The following MED24 variants were observed in gnomAD, a reference collection of about 807,000 sequenced individuals.
The protein encoded by MED24 is mediator complex subunit 24.
A neutral mutation model predicts 118.8 loss-of-function variants in MED24; 74 were observed. That is an observed-to-expected ratio of 0.62 (90% confidence interval 0.52 to 0.76). The LOEUF (loss-of-function observed/expected upper bound fraction) is 0.76. Ranked by LOEUF, MED24 falls within the 30% of genes least tolerant of loss-of-function variation. The pLI is 0.00. For missense variants in MED24, 1,041 were observed against 1,278.9 expected (o/e 0.81, Z 2.84); for synonymous variants, 521 against 523.9 (o/e 0.99, Z 0.08).
In MED24 at chr17:40,020,296, C is replaced by A; in HGVS notation, c.2681G>T (p.Arg894Leu). The change falls in exon 24 of 26, where the codon CGG becomes CTG. Residue 894 changes from arginine (R) to leucine (L), a missense_variant. Physicochemically the swap from Arg to Leu is moderately radical, Grantham distance 102. This residue lies in a region of MED24 where 587 missense variants were observed against 694.4 expected (regional missense o/e 0.85). Transcript: ENST00000394128. ...ACCCAGGACTCGGTTCAGAGGGTCC[C>A]GCATGTTGACCGTGTGGAGCTGAGA... ...SASQLHTVNM[R>L]DPLNRVLANL... 6.4e-7 allele frequency: 1 copy of A among 1,574,308 alleles called. No individual in the cohort carries two copies.
rs1186997598 is a variant in MED24, at chr17:40,035,311, C to T, written c.365G>A (p.Arg122Gln). The change falls in exon 6 of 26, where the codon CGA (arginine) becomes CAA (glutamine). Residue 122 changes from arginine (R) to glutamine (Q), a missense_variant. By Grantham distance (43) the Arg-to-Gln change is conservative (BLOSUM62 1). This residue lies in a region of MED24 where 434 missense variants were observed against 514.9 expected (regional missense o/e 0.84). Coordinates refer to ENST00000394128, the MANE Select transcript of MED24 (RefSeq NM_014815.4). ...GKAEECIGLC[R>Q]ALLSALHWLL... ...CCAGTGGAGGGCGCTAAGAAGGGCT[C>T]GGCACAGTCCGATGCATTCCTCTGC... 1.2e-6 allele frequency: 2 copies of T among 1,607,830 alleles called. No individual in the cohort carries two copies. The highest frequency in any genetic ancestry group is 1.7e-6 in the Non-Finnish European group (2 of 1,175,356).
chr17:40,025,268 G>C (rs532339947), intron 19 of MED24, among the ~76,000 whole-genome samples: 1 of 152,196 alleles, frequency 6.6e-6, no homozygotes, highest in African/African-American at 2.4e-5. Context: ...ATCACTCAAG[G>C]CCAGGAGTTC....
intron 3 of MED24, among the ~76,000 whole-genome samples, chr17:40,050,192 G>A (rs1267219413): frequency 1.4e-5 from 2 of 146,326 alleles, no homozygotes; most frequent in African/African-American, 5.1e-5. Flanking sequence ...ATTCAGGTCA[G>A]GCACGGTGGC....
At chr17:40,038,043 A>G (rs34003767) in intron 3 of MED24, among the ~76,000 whole-genome samples, 47,507 of 152,144 alleles carry the variant, frequency 0.31, 8,444 homozygotes, top group Middle Eastern at 0.49. Flanking sequence ...ACTCGTATAC[A>G]ATGAGAATCT....
Position 40,026,961 on chromosome 17 carries a change from T to C in MED24, c.1604A>G (p.Glu535Gly). Residue 535 changes from glutamate (E) to glycine (G), a missense_variant, in exon 17 of 26, where the codon GAG becomes GGG. This residue lies in a region of MED24 where 587 missense variants were observed against 694.4 expected (regional missense o/e 0.85). Coordinates refer to ENST00000394128, the MANE Select transcript of MED24 (RefSeq NM_014815.4). ...GTCAGGGTTCAGGATCTTGCCCTCC[T>C]CAGGCATGCAGGTCTGCATCCAGGT... ...FETWMQTCMP[E>G]EGKILNPDHP... 3 of 1,614,128 alleles carry C rather than the reference T, an allele frequency of 1.9e-6. No homozygotes were observed. The highest frequency in any genetic ancestry group is 2.5e-6 in the Non-Finnish European group (3 of 1,180,004).
chr17:40,019,668 G>A, intron 25 of MED24, 23 bp from the exon 26 acceptor site: 1 of 1,583,282 alleles, frequency 6.3e-7, no homozygotes, highest in Non-Finnish European at 8.6e-7. Context: ...GACAGATGCT[G>A]CTTGCGGGAC....
At position 40,019,653 on chromosome 17, in the gene MED24, G is replaced by C. The variant is rs376989467; in HGVS notation, c.2854-8C>G. The C allele has an allele frequency of 1.9e-6, 3 of 1,588,166 alleles. No homozygotes were observed. The highest frequency in any genetic ancestry group is 1.7e-5 in the Admixed American group (1 of 58,352). On this transcript the variant is annotated splice_region_variant and splice_polypyrimidine_tract_variant and intron_variant, in intron 25 of 25. Coordinates refer to ENST00000394128, the MANE Select transcript of MED24 (RefSeq NM_014815.4). ...CTTCACCAGTTCCGACACCTGCCAC[G>C]GACAGACAGATGCTGCTTGCGGGAC...
At chr17:40,043,350 C>A (rs565554271) in intron 3 of MED24, among the ~76,000 whole-genome samples, 1 of 152,072 alleles carries the variant, frequency 6.6e-6, no homozygotes, top group Non-Finnish European at 1.5e-5. Context: ...TTGTGCTGGA[C>A]CCCTATTCAC....
chr17:40,029,444 C>T (rs533953003), intron 13 of MED24, among the ~76,000 whole-genome samples: 2 of 152,278 alleles, frequency 1.3e-5, no homozygotes, highest in African/African-American at 4.8e-5. Flanking sequence ...GGGATCTTCC[C>T]ACCTCAGCCT....
chr17:40,031,099 C>T (rs968070671), intron 12 of MED24, 60 bp downstream of exon 12: 9 of 1,491,112 alleles, frequency 6.0e-6, no homozygotes, highest in East Asian at 4.9e-5. Flanking sequence ...GCAGCAGCCC[C>T]ACCGTAACAA....
In MED24 at chr17:40,019,908, G is replaced by A; in HGVS notation, c.2730C>T (p.Ser910=). The A allele has an allele frequency of 6.4e-7, 1 of 1,571,380 alleles. No individual in the cohort carries two copies. The highest frequency in any genetic ancestry group is 1.9e-5 in the Admixed American group (1 of 53,186). The stretch of plus-strand genomic sequence containing the variant: ...GGCCAGCGGTGCGAGACCCCAGGAT[G>A]GAGGAGATGAGCAGGAACAGGTTGG... ...VLANLFLLIS[S]ILGSRTAGPH... Residue 910 remains serine, a synonymous_variant, in exon 25 of 26, where the codon TCC becomes TCT. Coordinates refer to ENST00000394128, the MANE Select transcript of MED24 (RefSeq NM_014815.4).
In MED24 at chr17:40,026,235, G is replaced by C; in HGVS notation, c.1906C>G (p.Arg636Gly). 6.2e-7 allele frequency: 1 copy of C among 1,614,160 alleles called. No individual in the cohort carries two copies. The highest frequency in any genetic ancestry group is 8.5e-7 in the Non-Finnish European group (1 of 1,180,032). ...AHVRMLGLDE[R>G]EKSLQMIRQL... ...CGGATCATCTGCAGCGACTTCTCAC[G>C]CTCATCCAGCCCCAGCATCCGGACG... The change falls in exon 19 of 26, where the codon CGT becomes GGT. Residue 636 changes from arginine to glycine, a missense_variant. Transcript: ENST00000394128.
intron 24 of MED24, 132 bp from the exon 25 acceptor site, chr17:40,020,065 G>T: frequency 8.2e-7 from 1 of 1,218,454 alleles, no homozygotes; most frequent in Non-Finnish European, 1.2e-6. Context: ...GGGTGTCAGA[G>T]AGAGAAAATA....
rs754340383 is a variant in MED24, at chr17:40,034,987, A to G, written c.559+130T>C. 2.5e-6 allele frequency: 4 copies of G among 1,610,888 alleles called. No individual in the cohort carries two copies. In the East Asian group the frequency reaches 8.9e-5, roughly 36 times the overall value. Reference sequence around the variant, plus strand: ...TGTGTGCAATGCTTATGGGGAGAAAAAAAAGGAAGTGGGATGGTTTCAGAT... The same window carrying G: ...TGTGTGCAATGCTTATGGGGAGAAAGAAAAGGAAGTGGGATGGTTTCAGAT... On this transcript the variant is annotated intron_variant, in intron 6 of 25. Transcript: ENST00000394128.
At chr17:40,051,825 A>G (rs181017884) in intron 3 of MED24, among the ~76,000 whole-genome samples, 99 of 152,234 alleles carry the variant, frequency 6.5e-4, no homozygotes, top group African/African-American at 2.3e-3. Flanking sequence ...CAGGAGGCTG[A>G]GGCAGGAGAA....
At chr17:40,028,101 GTTTTTGT>G (rs951011294) in intron 14 of MED24, 155 bp from the exon 15 acceptor site, 4 of 767,556 alleles carry the variant, frequency 5.2e-6, no homozygotes, top group Non-Finnish European at 8.4e-6. Flanking sequence ...GGTTTTTGTG[GTTTTTGT>G]TTTTTGTTTT....
chr17:40,021,592 G>A (rs1284817016), intron 23 of MED24, among the ~76,000 whole-genome samples: 1 of 152,246 alleles, frequency 6.6e-6, no homozygotes, highest in Non-Finnish European at 1.5e-5. Context: ...AAGGAAGGAA[G>A]GAAGGTCAGA....
At position 40,033,779 on chromosome 17, in the gene MED24, A is replaced by T; in HGVS notation, c.560-323T>A. ...GAGGCCAGAATCCAGTGGCTGGAACAGGGAGGGCGGCCACAAATCACTCGA... is the reference window on the plus strand; with the variant it reads ...GAGGCCAGAATCCAGTGGCTGGAACTGGGAGGGCGGCCACAAATCACTCGA... On this transcript the variant is annotated intron_variant, in intron 6 of 25. Coordinates refer to ENST00000394128, the MANE Select transcript of MED24 (RefSeq NM_014815.4). The surrounding 1 kb of genome is among the most constrained non-coding windows in gnomAD (Gnocchi z 5.2). The T allele has an allele frequency of 1.9e-6, 1 of 512,982 alleles. No homozygotes were observed. Among genetic ancestry groups the T allele is most frequent in the East Asian group, 5.3e-5 (1 of 19,024 alleles). The allele number at this position is 512,982 out of a possible 1,614,324, so 31.8% of individuals were successfully genotyped here. A position where few individuals can be genotyped will look rare whatever the true frequency, so the allele number is the denominator to read the frequency against.
At position 40,020,292 on chromosome 17, in the gene MED24, G is replaced by GTCCC. The variant is rs1568152115; in HGVS notation, c.2681_2684dup (p.Asp895GlufsTer91). 1 of 1,570,040 alleles carries GTCCC rather than the reference G, an allele frequency of 6.4e-7. No homozygotes were observed. Among genetic ancestry groups the GTCCC allele is most frequent in the Non-Finnish European group, 8.6e-7 (1 of 1,158,576 alleles). On this transcript the variant is annotated frameshift_variant, in exon 24 of 26. Transcript: ENST00000394128. LOFTEE classifies it high-confidence loss of function. ...ACTCACCCAGGACTCGGTTCAGAGG[G>GTCCC]TCCCGCATGTTGACCGTGTGGAGCT...
Sources: allele counts gnomAD v4.1 joint callset (sites outside exome capture counted in the v4.1 genomes callset), GRCh38; gene constraint gnomAD v4.1.1; regional missense constraint gnomAD v4.1.1; non-coding constraint Gnocchi (gnomAD v3.1); transcripts MANE v1.5; gene names NCBI Gene and HGNC (gene_info 2026-07-23, HGNC 2026-07-21).